Variants in LRRC28 observed in about 807,000 individuals in gnomAD.
The protein encoded by LRRC28 is leucine-rich repeat-containing protein 28.
A neutral mutation model predicts 45.7 loss-of-function variants in LRRC28; 39 were observed. The ratio of observed to expected loss-of-function variants is 0.85; its 90% CI spans 0.66 to 1.12. The LOEUF is 1.12. Ranked by LOEUF, LRRC28 falls within the 50% of genes most tolerant of loss-of-function variation. LRRC28 has a pLI of 0.00. For missense variants in LRRC28, 435 were observed against 438.5 expected (o/e 0.99, Z 0.07); for synonymous variants, 206 against 178.8 (o/e 1.15, Z -1.22).
chr15:99,294,494 A>G (rs889633505), intron 5 of LRRC28, among the ~76,000 whole-genome samples: 4 of 152,200 alleles, frequency 2.6e-5, no homozygotes, highest in Non-Finnish European at 2.9e-5. Context: ...AACAAATACC[A>G]TAAATGGGGT....
At chr15:99,291,575 A>G (rs1445586875) in intron 5 of LRRC28, among the ~76,000 whole-genome samples, 1 of 152,226 alleles carries the variant, frequency 6.6e-6, no homozygotes, top group Non-Finnish European at 1.5e-5. Flanking sequence ...ATTTGACCAC[A>G]GTAGGCACCA....
intron 2 of LRRC28, among the ~76,000 whole-genome samples, chr15:99,256,535 G>A (rs1016635378): frequency 1.3e-5 from 2 of 152,220 alleles, no homozygotes; most frequent in African/African-American, 4.8e-5. Flanking sequence ...TGAGGTACAG[G>A]CATTAAAGGG....
intron 5 of LRRC28, among the ~76,000 whole-genome samples, chr15:99,292,555 G>A (rs934585998): frequency 1.7e-4 from 25 of 151,460 alleles, no homozygotes; most frequent in Non-Finnish European, 2.8e-4. Flanking sequence ...TAGTAGAGAC[G>A]GGGTTTCACC....
intron 5 of LRRC28, among the ~76,000 whole-genome samples, chr15:99,292,685 A>G (rs996431175): frequency 3.9e-5 from 6 of 152,088 alleles, no homozygotes; most frequent in Admixed American, 1.3e-4. Context: ...TTCTATACCT[A>G]CGAATCCTCT....
At chr15:99,294,598 A>C (rs1438121720) in intron 5 of LRRC28, among the ~76,000 whole-genome samples, 1 of 152,100 alleles carries the variant, frequency 6.6e-6, no homozygotes, top group Non-Finnish European at 1.5e-5. Flanking sequence ...TTATTTTCTG[A>C]TTCATAGATG....
chr15:99,356,513 C>T (rs2152320805), intron 7 of LRRC28, among the ~76,000 whole-genome samples: 1 of 152,198 alleles, frequency 6.6e-6, no homozygotes, highest in South Asian at 2.1e-4. Flanking sequence ...ATAGAAAAGA[C>T]ATTGAAAACA....
chr15:99,309,448 G>A (rs923748342), intron 5 of LRRC28, among the ~76,000 whole-genome samples: 4 of 152,024 alleles, frequency 2.6e-5, no homozygotes, highest in African/African-American at 9.7e-5. Context: ...TCGCTCTGTC[G>A]CCAAGGCTGG....
rs1477582692 is a variant in LRRC28, at chr15:99,389,698, A to G, written c.*3596A>G. On this transcript the variant is annotated 3_prime_UTR_variant, in exon 10 of 10. Coordinates refer to ENST00000301981, the MANE Select transcript of LRRC28 (RefSeq NM_144598.5). Reference sequence around the variant, plus strand: ...TTATGCCTTCATTTTTGTGGTTTTCATTCACTCCTGCTTGCTTCTATTGAG... The same window carrying G: ...TTATGCCTTCATTTTTGTGGTTTTCGTTCACTCCTGCTTGCTTCTATTGAG... 2 of 152,074 alleles carry G rather than the reference A, an allele frequency of 1.3e-5. No homozygotes were observed. The highest frequency in any genetic ancestry group is 2.9e-5 in the Non-Finnish European group (2 of 68,018). 9.4% of individuals were successfully genotyped at this position (152,074 alleles called of 1,614,324 possible).
rs958699574 is a variant in LRRC28, at chr15:99,389,259, G to T, written c.*3157G>T. 3 of 152,100 alleles carry T rather than the reference G, an allele frequency of 2.0e-5. No individual in the cohort carries two copies. Among genetic ancestry groups the T allele is most frequent in the Non-Finnish European group, 4.4e-5 (3 of 68,024 alleles). 9.4% of individuals were successfully genotyped at this position (152,100 alleles called of 1,614,324 possible). A position where few individuals can be genotyped will look rare whatever the true frequency, so the allele number is the denominator to read the frequency against. On this transcript the variant is annotated 3_prime_UTR_variant, in exon 10 of 10. Coordinates refer to ENST00000301981, the MANE Select transcript of LRRC28 (RefSeq NM_144598.5). ...AATGTACCTCTCACTTCTGTTTTAC[G>T]TTGAGCATTACGAATTAAAATCTTT...
chr15:99,358,809 G>A (rs773063548), intron 7 of LRRC28, among the ~76,000 whole-genome samples: 8 of 152,242 alleles, frequency 5.3e-5, no homozygotes, highest in Non-Finnish European at 8.8e-5. Flanking sequence ...CAGGTGCGGT[G>A]GTTCATACCT....
intron 5 of LRRC28, among the ~76,000 whole-genome samples, chr15:99,310,923 A>G (rs1955383635): frequency 6.6e-6 from 1 of 152,142 alleles, no homozygotes; most frequent in East Asian, 1.9e-4. Context: ...AGGTATTTGC[A>G]GGCCTTTTTG....
At position 99,255,988 on chromosome 15, in the gene LRRC28, G is replaced by T. The variant is rs2081007406; in HGVS notation, c.31G>T (p.Val11Leu). Residue 11 changes from valine (V) to leucine (L), a missense_variant, in exon 2 of 10, where the codon GTG becomes TTG. Val to Leu is a conservative substitution (Grantham distance 32). Transcript: ENST00000301981. The part of the protein sequence containing the change: MASELCKTIS[V>L]ARLEKHKNLF... ...GTCCGAACTTTGTAAGACGATCTCT[G>T]TGGCAAGGCTAGAAAAGCACAAGAA... 6.2e-7 allele frequency: 1 copy of T among 1,612,758 alleles called. No homozygotes were observed. The highest frequency in any genetic ancestry group is 8.5e-7 in the Non-Finnish European group (1 of 1,179,958).
rs370350592 is a variant in LRRC28, at chr15:99,385,895, T to A, written c.1032-135T>A. The A allele has an allele frequency of 1.2e-4, 93 of 746,628 alleles. No homozygotes were observed. In the African/African-American group the frequency reaches 1.5e-3, roughly 12 times the overall value. 46.3% of individuals were successfully genotyped at this position (746,628 alleles called of 1,614,324 possible). On this transcript the variant is annotated intron_variant, in intron 9 of 9. Coordinates refer to ENST00000301981, the MANE Select transcript of LRRC28 (RefSeq NM_144598.5). Reference sequence around the variant, plus strand: ...TCCAGTGCTCAGTTTGAAAAGGAAATTTAAATTTCTATTATGCAGTTTGTT... The same window carrying A: ...TCCAGTGCTCAGTTTGAAAAGGAAAATTAAATTTCTATTATGCAGTTTGTT...
rs566508759 is a variant in LRRC28 at position 99,386,935 on chromosome 15, AG to A, written c.*838del. ...ATATAAAGTTTCCATACAATGAGAAAGGGGGAGAAAACACACATTGAAATAA... is the reference window on the plus strand; with the variant it reads ...ATATAAAGTTTCCATACAATGAGAAAGGGGAGAAAACACACATTGAAATAA... On this transcript the variant is annotated 3_prime_UTR_variant, in exon 10 of 10. Coordinates refer to ENST00000301981, the MANE Select transcript of LRRC28 (RefSeq NM_144598.5). 2.0e-5 allele frequency: 3 copies of A among 151,444 alleles called. No homozygotes were observed. Among genetic ancestry groups the A allele is most frequent in the African/African-American group, 4.8e-5 (2 of 41,380 alleles). 9.4% of individuals were successfully genotyped at this position (151,444 alleles called of 1,614,324 possible).
intron 3 of LRRC28, among the ~76,000 whole-genome samples, chr15:99,283,379 C>T (rs1252456755): frequency 6.7e-6 from 1 of 149,498 alleles, no homozygotes; most frequent in Non-Finnish European, 1.5e-5. Flanking sequence ...TTTGGGAGGC[C>T]GAGGTGGGTG....
chr15:99,310,074 A>T (rs1202438985), intron 5 of LRRC28, among the ~76,000 whole-genome samples: 1 of 151,090 alleles, frequency 6.6e-6, no homozygotes, highest in East Asian at 1.9e-4. Context: ...ACTGTTAAGC[A>T]TAAAAAGCTA....
At chr15:99,312,023 C>T (rs953375195) in intron 5 of LRRC28, among the ~76,000 whole-genome samples, 4 of 151,962 alleles carry the variant, frequency 2.6e-5, no homozygotes, top group African/African-American at 9.7e-5. Context: ...TCCTAGAATA[C>T]TCACTAAAAA....
chr15:99,330,492 G>A (rs552381517), intron 5 of LRRC28, among the ~76,000 whole-genome samples: 8 of 151,946 alleles, frequency 5.3e-5, no homozygotes, highest in South Asian at 2.1e-4. Flanking sequence ...TGAAATATTC[G>A]TCTTTGCCTC....
intron 7 of LRRC28, among the ~76,000 whole-genome samples, chr15:99,354,731 G>C (rs191437287): frequency 6.6e-6 from 1 of 152,242 alleles, no homozygotes; most frequent in East Asian, 1.9e-4. Flanking sequence ...AACAAACTTG[G>C]TACTAGTTCT....
Sources: gnomAD v4.1 joint callset for allele counts (sites outside exome capture counted in the v4.1 genomes callset) on GRCh38, gnomAD v4.1.1 for gene constraint, MANE v1.5 for transcripts, NCBI Gene and HGNC (gene_info 2026-07-23, HGNC 2026-07-21) for gene names.